Variants in MYO9B observed in about 807,000 individuals in gnomAD.
MYO9B encodes myosin IXB, also known as unconventional myosin-IXb.
A neutral mutation model predicts 229.5 loss-of-function variants in MYO9B; 71 were observed. That is an observed-to-expected ratio of 0.31 (90% CI 0.26 to 0.38). MYO9B has a LOEUF of 0.38. Among genes scored for constraint, MYO9B ranks in the 10% least tolerant of loss-of-function variants. The pLI, the probability that MYO9B is intolerant of heterozygous loss-of-function variation, is 1.00. For synonymous variants in MYO9B, 1,185 were observed against 1,235.8 expected, an observed-to-expected ratio of 0.96 and a Z score of 0.86; for missense variants, 2,255 against 2,920.5, an observed-to-expected ratio of 0.77 and a Z score of 5.25.
intron 2 of MYO9B, among the ~76,000 whole-genome samples, chr19:17,140,962 A>G (rs1430562810): frequency 6.6e-6 from 1 of 151,546 alleles, no homozygotes; most frequent in Non-Finnish European, 1.5e-5. Context: ...AAATTAGCCG[A>G]GCGCAGTGGC....
intron 22 of MYO9B, among the ~76,000 whole-genome samples, chr19:17,196,373 G>C (rs7254604): frequency 0.45 from 67,849 of 151,756 alleles, 16,003 homozygotes; most frequent in East Asian, 0.76. Flanking sequence ...GGATGATACA[G>C]ATGATGGGGA....
chr19:17,108,001 A>T (rs2057808907), intron 2 of MYO9B, among the ~76,000 whole-genome samples: 1 of 152,194 alleles, frequency 6.6e-6, no homozygotes, highest in East Asian at 1.9e-4. Context: ...CCACTTGGTG[A>T]CATCTTGTGC....
At chr19:17,151,737 C>T (rs1351381405) in intron 3 of MYO9B, among the ~76,000 whole-genome samples, 1 of 151,992 alleles carries the variant, frequency 6.6e-6, no homozygotes, top group East Asian at 1.9e-4. Flanking sequence ...GACAACATCA[C>T]GAAATCCCAT....
Position 17,206,129 on chromosome 19 carries a change from A to G in MYO9B, c.5234A>G (p.Glu1745Gly). ...RKSGAANRTR[E>G]LRQALQTDPA... ...TCGGGTGCTGCCAACCGCACTCGGG[A>G]GCTCCGGCAGGCGCTGCAGACAGGT... The change falls in exon 32 of 40, where the codon GAG becomes GGG. Residue 1745 changes from glutamate to glycine, a missense_variant. Coordinates refer to ENST00000682292, the MANE Select transcript of MYO9B (RefSeq NM_004145.4). 6.2e-7 allele frequency: 1 copy of G among 1,606,848 alleles called. No homozygotes were observed.
chr19:17,184,148 G>A lies in MYO9B; in HGVS notation c.2373+280G>A, dbSNP rs2072891506. The A allele has an allele frequency of 2.1e-5, 10 of 484,598 alleles. 1 individual carries two copies. In the South Asian group the frequency reaches 2.5e-4, roughly 12 times the overall value. The allele number at this position is 484,598 out of a possible 1,614,324, so 30.0% of individuals were successfully genotyped here. ...GAGAAGGGGTGAGGGAGGAAGCTAG[G>A]GGCGTAAGCATAGCTGAAGTCTGGC... is the stretch of plus-strand genomic sequence containing the variant. On this transcript the variant is annotated intron_variant, in intron 16 of 39. Transcript: ENST00000682292.
intron 3 of MYO9B, among the ~76,000 whole-genome samples, chr19:17,152,089 AG>A (rs2072482908): frequency 6.6e-6 from 1 of 151,184 alleles, no homozygotes; most frequent in Admixed American, 6.6e-5. Context: ...CAGGAGGCTG[AG>A]GCAGGAGAAT....
At chr19:17,155,372 G>T (rs1469641815) in intron 6 of MYO9B, among the ~76,000 whole-genome samples, 2 of 151,892 alleles carry the variant, frequency 1.3e-5, no homozygotes. Context: ...GTAGAGATGG[G>T]GTTTCCTCAT....
At chr19:17,208,755 C>A (rs776539924) in intron 35 of MYO9B, among the ~76,000 whole-genome samples, 10 of 152,300 alleles carry the variant, frequency 6.6e-5, no homozygotes, top group Non-Finnish European at 1.2e-4. Context: ...ATTCCTCTCT[C>A]TGCTACAAAG....
chr19:17,100,098 G>A (rs1411773710), intron 1 of MYO9B, among the ~76,000 whole-genome samples: 1 of 150,926 alleles, frequency 6.6e-6, no homozygotes, highest in African/African-American at 2.4e-5. Flanking sequence ...CTAGAGCCTG[G>A]GCAACAAAGA....
At chr19:17,205,012 G>A (rs571244151) in intron 30 of MYO9B, among the ~76,000 whole-genome samples, 4 of 151,898 alleles carry the variant, frequency 2.6e-5, no homozygotes, top group East Asian at 3.9e-4. Context: ...TTAGCCAGGC[G>A]TGGTGGCGCA....
Position 17,172,230 on chromosome 19 carries a change from C to A in MYO9B, c.1794-106C>A. 3 of 1,445,176 alleles carry A rather than the reference C, an allele frequency of 2.1e-6. No homozygotes were observed. The highest frequency in any genetic ancestry group is 2.4e-5 in the East Asian group (1 of 41,812). The allele number at this position is 1,445,176 out of a possible 1,614,324, so 89.5% of individuals were successfully genotyped here. A position where few individuals can be genotyped will look rare whatever the true frequency, so the allele number is the denominator to read the frequency against. On this transcript the variant is annotated intron_variant, in intron 11 of 39. Transcript: ENST00000682292. The surrounding 1 kb of genome is among the most constrained non-coding windows in gnomAD (Gnocchi z 8.2). ...TGTGCCACTTCACTGCTCTGCCCACCCCATGCACCCACCCACCTCGTGCAC... is the reference window on the plus strand; with the variant it reads ...TGTGCCACTTCACTGCTCTGCCCACACCATGCACCCACCCACCTCGTGCAC...
At chr19:17,207,685 G>C (rs1016916206) in intron 35 of MYO9B, 1 of 152,326 alleles carries the variant, frequency 6.6e-6, no homozygotes, top group East Asian at 1.9e-4. Flanking sequence ...AGACCAGCCT[G>C]ACCAACATGG....
intron 2 of MYO9B, among the ~76,000 whole-genome samples, chr19:17,120,566 C>CAG (rs1186248673): frequency 7.2e-6 from 1 of 138,712 alleles, no homozygotes; most frequent in Non-Finnish European, 1.5e-5. Context: ...GCCTAGGAGG[C>CAG]AGAGGTTATA....
At chr19:17,187,127 G>A (rs1296828858) in intron 18 of MYO9B, among the ~76,000 whole-genome samples, 1 of 152,200 alleles carries the variant, frequency 6.6e-6, no homozygotes, top group African/African-American at 2.4e-5. Context: ...TGAGGCAGCT[G>A]CATTTCCAGC....
intron 2 of MYO9B, among the ~76,000 whole-genome samples, chr19:17,122,306 AG>A (rs934112759): frequency 1.1e-4 from 16 of 152,122 alleles, no homozygotes; most frequent in Admixed American, 2.0e-4. Context: ...TGGGAGTAAG[AG>A]GGGGGCAGAT....
At chr19:17,128,933 G>A (rs911560430) in intron 2 of MYO9B, among the ~76,000 whole-genome samples, 5 of 152,200 alleles carry the variant, frequency 3.3e-5, no homozygotes, top group Non-Finnish European at 5.9e-5. Flanking sequence ...CTCGATATTT[G>A]CAGATGTTCT....
At chr19:17,112,921 T>C (rs2057862577) in intron 2 of MYO9B, among the ~76,000 whole-genome samples, 2 of 152,128 alleles carry the variant, frequency 1.3e-5, no homozygotes. Flanking sequence ...GGCTCCCCTC[T>C]CATTGGGGGG....
chr19:17,159,764 A>T (rs1020795018), intron 8 of MYO9B, among the ~76,000 whole-genome samples: 1 of 152,266 alleles, frequency 6.6e-6, no homozygotes, highest in Non-Finnish European at 1.5e-5. Flanking sequence ...GGCCAGATCC[A>T]GCCCTCCACC....
chr19:17,177,392 C>CT (rs1270264911), intron 14 of MYO9B: 1 of 151,334 alleles, frequency 6.6e-6, no homozygotes, highest in Non-Finnish European at 1.5e-5. Context: ...TGAGACCAGG[C>CT]TATTGTGCAG....
Sources: allele counts gnomAD v4.1 joint callset (sites outside exome capture counted in the v4.1 genomes callset), GRCh38; gene constraint gnomAD v4.1.1; non-coding constraint Gnocchi (gnomAD v3.1); transcripts MANE v1.5; gene names NCBI Gene and HGNC (gene_info 2026-07-23, HGNC 2026-07-21).